RAB11FIP4: variants seen among roughly 807,000 people sequenced by gnomAD.
RAB11FIP4 encodes RAB11 family interacting protein 4.
A neutral mutation model predicts 74.3 loss-of-function variants in RAB11FIP4; 23 were observed. The observed-to-expected ratio is 0.31, with a 90% CI of 0.22 to 0.44. RAB11FIP4 has a LOEUF of 0.44. Ranked by LOEUF, RAB11FIP4 falls within the 20% of genes least tolerant of loss-of-function variation. The pLI is 1.00. For missense variants in RAB11FIP4, 630 were observed against 863.9 expected (o/e 0.73, Z 3.39); for synonymous variants, 360 against 359.9 (o/e 1.00, Z 0.00).
At chr17:31,427,795 G>A (rs1400992325) in intron 1 of RAB11FIP4, among the ~76,000 whole-genome samples, 2 of 152,174 alleles carry the variant, frequency 1.3e-5, no homozygotes, top group Non-Finnish European at 2.9e-5. Flanking sequence ...GAGAGGAGGC[G>A]GAATGCCAGC....
chr17:31,437,836 C>T (rs1282672731), intron 3 of RAB11FIP4, among the ~76,000 whole-genome samples: 1 of 152,068 alleles, frequency 6.6e-6, no homozygotes, highest in Admixed American at 6.5e-5. Context: ...AAGCAGGGGC[C>T]CCTGGGGTTG....
chr17:31,476,553 A>G (rs1334021216), intron 3 of RAB11FIP4, among the ~76,000 whole-genome samples: 1 of 152,228 alleles, frequency 6.6e-6, no homozygotes, highest in Non-Finnish European at 1.5e-5. Context: ...AGCTACAGGT[A>G]GTAATAGCAG....
intron 9 of RAB11FIP4, 33 bp from the exon 10 acceptor site, chr17:31,525,057 G>A: frequency 1.3e-6 from 2 of 1,549,608 alleles, no homozygotes; most frequent in Non-Finnish European, 8.7e-7. Flanking sequence ...AATGGTGCAG[G>A]CCCCAAGAGC....
intron 3 of RAB11FIP4, among the ~76,000 whole-genome samples, chr17:31,441,317 CAT>C (rs2071405451): frequency 6.6e-6 from 1 of 151,838 alleles, no homozygotes; most frequent in Admixed American, 6.6e-5. Flanking sequence ...TGAGCCACCG[CAT>C]CTGGCCGGAA....
At position 31,414,963 on chromosome 17, in the gene RAB11FIP4, A is replaced by G. The variant is rs117473072; in HGVS notation, c.160-16850A>G. 3.7e-4 allele frequency among the ~76,000 whole-genome samples: 56 copies of G among 152,300 alleles called. 3 individuals carry two copies. In the East Asian group the frequency reaches 0.011, roughly 29 times the overall value. On this transcript the variant is annotated intron_variant, in intron 1 of 14. Coordinates refer to ENST00000621161, the MANE Select transcript of RAB11FIP4 (RefSeq NM_032932.6). Reference sequence around the variant, plus strand: ...GCTCAGAGGCACCAGCTAGGACCCAATCCCCTTCCATTGAGCTTCCCAGCG... The same window carrying G: ...GCTCAGAGGCACCAGCTAGGACCCAGTCCCCTTCCATTGAGCTTCCCAGCG...
At chr17:31,431,688 T>C (rs777768288) in intron 1 of RAB11FIP4, 125 bp from the exon 2 acceptor site, 127 of 722,470 alleles carry the variant, frequency 1.8e-4, no homozygotes, top group Middle Eastern at 3.7e-4. Context: ...GACCCCAGGG[T>C]GAGGGTAAGA....
intron 1 of RAB11FIP4, 103 bp downstream of exon 1, chr17:31,392,114 G>C: frequency 1.1e-6 from 1 of 919,402 alleles, no homozygotes; most frequent in East Asian, 4.0e-5. Flanking sequence ...CGAGGCGGTG[G>C]CCTCCCTCCC....
intron 3 of RAB11FIP4, among the ~76,000 whole-genome samples, chr17:31,468,652 A>G (rs2071708991): frequency 1.3e-5 from 2 of 152,070 alleles, no homozygotes; most frequent in Non-Finnish European, 2.9e-5. Flanking sequence ...AACATGGTGA[A>G]ACCCCATCTC....
chr17:31,400,260 CA>C (rs1367493917), intron 1 of RAB11FIP4, among the ~76,000 whole-genome samples: 1 of 152,192 alleles, frequency 6.6e-6, no homozygotes, highest in Non-Finnish European at 1.5e-5. Context: ...GTACTTAGAA[CA>C]ATGTCATAGA....
intron 3 of RAB11FIP4, among the ~76,000 whole-genome samples, chr17:31,452,353 T>A (rs973524730): frequency 6.6e-6 from 1 of 151,966 alleles, no homozygotes. Context: ...CACCTAGGAG[T>A]CTCCGAGGAC....
chr17:31,520,307 A>G (rs892419833), intron 4 of RAB11FIP4, among the ~76,000 whole-genome samples: 4 of 152,104 alleles, frequency 2.6e-5, no homozygotes, highest in African/African-American at 9.7e-5. Context: ...CCTGGAACAA[A>G]TCTCTCTTGG....
chr17:31,524,232 C>T (rs1044607026), intron 9 of RAB11FIP4: 2 of 500,848 alleles, frequency 4.0e-6, no homozygotes, highest in Admixed American at 3.3e-5. Context: ...GATTCTACCC[C>T]CTGAGGTCTG....
chr17:31,530,788 CG>C (rs889226525), intron 14 of RAB11FIP4, among the ~76,000 whole-genome samples: 1 of 152,194 alleles, frequency 6.6e-6, no homozygotes, highest in African/African-American at 2.4e-5. Context: ...CTATCACTCC[CG>C]CTCTTCCCAG....
Position 31,439,070 on chromosome 17 carries a change from C to A in RAB11FIP4, c.336+4948C>A, listed in dbSNP as rs1052689609. 2.6e-5 allele frequency among the ~76,000 whole-genome samples: 4 copies of A among 152,306 alleles called. No individual in the cohort carries two copies. The East Asian group carries it at 7.7e-4, about 29-fold the overall frequency. On this transcript the variant is annotated intron_variant, in intron 3 of 14. Transcript: ENST00000621161. ...GGGGGCCCTTCACCCTCTACCACTG[C>A]CTGAACCTCACCCTTCATGACAGCC...
chr17:31,453,337 TAGAG>T lies in RAB11FIP4; in HGVS notation c.336+19221_336+19224del, dbSNP rs370859448. The stretch of plus-strand genomic sequence containing the variant: ...CACGACTGCACTCCAGCCTGTACCA[TAGAG>T]AGAGACCCTACCTCAAAAAAAAAAA... On this transcript the variant is annotated intron_variant, in intron 3 of 14. Transcript: ENST00000621161. Among the ~76,000 whole-genome samples the T allele has an allele frequency of 4.0e-3, 434 of 109,500 alleles. 2 individuals carry two copies. Among genetic ancestry groups the T allele is most frequent in the African/African-American group, 0.015 (412 of 26,802 alleles). The allele number at this position is 109,500 out of a possible 152,430, so 71.8% of individuals were successfully genotyped here.
intron 3 of RAB11FIP4, among the ~76,000 whole-genome samples, chr17:31,469,271 G>A (rs1048809347): frequency 6.6e-6 from 1 of 152,102 alleles, no homozygotes; most frequent in Non-Finnish European, 1.5e-5. Context: ...GGTCTGGGAG[G>A]GGTAATTGGG....
chr17:31,458,447 C>T (rs895896171), intron 3 of RAB11FIP4, among the ~76,000 whole-genome samples: 1 of 152,202 alleles, frequency 6.6e-6, no homozygotes, highest in Non-Finnish European at 1.5e-5. Flanking sequence ...TTTTGGAGGC[C>T]TGAAGATGGC....
chr17:31,402,599 T>TTTATTTA (rs2070998460), intron 1 of RAB11FIP4, among the ~76,000 whole-genome samples: 1 of 9,098 alleles, frequency 1.1e-4, no homozygotes, highest in Non-Finnish European at 3.2e-4. Context: ...TTTATTTATT[T>TTTATTTA]TTATTTATTT....
rs1040525766 is a variant in RAB11FIP4, at chr17:31,536,892, C to A, written c.*5160C>A. On this transcript the variant is annotated 3_prime_UTR_variant, in exon 15 of 15. Transcript: ENST00000621161. The stretch of plus-strand genomic sequence containing the variant: ...CCTGGGGAAGTATAATGTCACCATG[C>A]TCACCAGGCGAGGTTTCCCATATGA... 1 of 398,332 alleles carries A rather than the reference C, an allele frequency of 2.5e-6. No homozygotes were observed. The highest frequency in any genetic ancestry group is 4.4e-5 in the Admixed American group (1 of 22,738). 24.7% of individuals were successfully genotyped at this position (398,332 alleles called of 1,614,324 possible).
Sources: gnomAD v4.1 joint callset for allele counts (sites outside exome capture counted in the v4.1 genomes callset) on GRCh38, gnomAD v4.1.1 for gene constraint, MANE v1.5 for transcripts, NCBI Gene and HGNC (gene_info 2026-07-23, HGNC 2026-07-21) for gene names.